The following SPIN1 variants were observed in gnomAD, a reference collection of about 807,000 sequenced individuals.
SPIN1 encodes spindlin-1.
Under a neutral mutation model 26.0 loss-of-function variants are expected in SPIN1, and 3 were observed. The observed-to-expected ratio is 0.12, with a 90% CI of 0.05 to 0.30. SPIN1 has a LOEUF of 0.30. Ranked by LOEUF, SPIN1 falls within the 10% of genes least tolerant of loss-of-function variation. The pLI is 1.00. For missense variants in SPIN1, 126 were observed against 333.4 expected (o/e 0.38, Z 4.84); for synonymous variants, 101 against 116.5 (o/e 0.87, Z 0.86).
chr9:88,457,661 G>T lies in SPIN1; in HGVS notation c.102-4835G>T, dbSNP rs149670689. 913 of 187,728 alleles carry T rather than the reference G, an allele frequency of 4.9e-3. 8 individuals are homozygous for T. The highest frequency in any genetic ancestry group is 0.02 in the African/African-American group (858 of 42,108). 11.6% of individuals were successfully genotyped at this position (187,728 alleles called of 1,614,324 possible). On this transcript the variant is annotated intron_variant, in intron 3 of 5. Coordinates refer to ENST00000375859, the MANE Select transcript of SPIN1 (RefSeq NM_006717.3). ...AGTTTTTTTTTTCTCTCAAAGTACT[G>T]AGGGGAAAAAGACTTTGAACCTGAT...
chr9:88,410,667 C>T (rs756854326), intron 1 of SPIN1: 26 of 1,302,218 alleles, frequency 2.0e-5, no homozygotes, highest in Non-Finnish European at 2.5e-5. Flanking sequence ...TTCCTTCCTT[C>T]GTGGGTCCAA....
At chr9:88,474,308 T>G (rs1049711591) in intron 5 of SPIN1, among the ~76,000 whole-genome samples, 1 of 152,170 alleles carries the variant, frequency 6.6e-6, no homozygotes, top group Admixed American at 6.5e-5. Flanking sequence ...TTACTTTGTT[T>G]TTTTGTTGTT....
At chr9:88,471,726 A>G (rs184473963) in intron 5 of SPIN1, among the ~76,000 whole-genome samples, 110 of 151,184 alleles carry the variant, frequency 7.3e-4, no homozygotes, top group African/African-American at 2.1e-3. Context: ...TGGACTCTCA[A>G]TTCTGTTGCA....
chr9:88,433,946 T>C (rs961836302), intron 2 of SPIN1, among the ~76,000 whole-genome samples: 7 of 152,018 alleles, frequency 4.6e-5, no homozygotes, highest in African/African-American at 1.4e-4. Flanking sequence ...ACTTTGAACA[T>C]TGAACTGACA....
chr9:88,409,225 C>T (rs1564024794), intron 1 of SPIN1, among the ~76,000 whole-genome samples: 1 of 143,242 alleles, frequency 7.0e-6, no homozygotes, highest in African/African-American at 2.6e-5. Flanking sequence ...GAACTCCTGA[C>T]CTCAGGTGAT....
chr9:88,414,448 G>A (rs548614847), intron 1 of SPIN1, among the ~76,000 whole-genome samples: 1 of 152,298 alleles, frequency 6.6e-6, no homozygotes, highest in African/African-American at 2.4e-5. Flanking sequence ...GGCACCAACT[G>A]GAGCTGGGAC....
chr9:88,427,304 C>T (rs1281744900), intron 2 of SPIN1, among the ~76,000 whole-genome samples: 1 of 151,984 alleles, frequency 6.6e-6, no homozygotes, highest in Non-Finnish European at 1.5e-5. Flanking sequence ...AGAACAATTT[C>T]TTCTATTTAT....
intron 2 of SPIN1, among the ~76,000 whole-genome samples, chr9:88,440,945 C>T (rs1452264732): frequency 6.6e-6 from 1 of 151,466 alleles, no homozygotes; most frequent in Non-Finnish European, 1.5e-5. Flanking sequence ...CAAAAAACGC[C>T]CCCTCCCCAA....
chr9:88,434,302 T>C (rs892853345), intron 2 of SPIN1, among the ~76,000 whole-genome samples: 1 of 151,590 alleles, frequency 6.6e-6, no homozygotes, highest in African/African-American at 2.4e-5. Flanking sequence ...ATAGAATAGT[T>C]TATTTTATAA....
intron 1 of SPIN1, among the ~76,000 whole-genome samples, chr9:88,392,982 T>C (rs1200415840): frequency 6.6e-6 from 1 of 152,094 alleles, no homozygotes; most frequent in African/African-American, 2.4e-5. Context: ...TGGACCTGTG[T>C]TTTAGAACAG....
At chr9:88,457,203 A>C (rs1056942959) in intron 3 of SPIN1, among the ~76,000 whole-genome samples, 8 of 152,294 alleles carry the variant, frequency 5.3e-5, no homozygotes, top group South Asian at 2.1e-4. Context: ...AGGGATAATT[A>C]AAAACACATG....
rs60571153 is a variant in SPIN1, at chr9:88,441,398, C to CGTGTGTGTGTGTGT, written c.53-7539_53-7526dup. The stretch of plus-strand genomic sequence containing the variant: ...TGGTTGTATCATCATTGCTGCCATT[C>CGTGTGTGTGTGTGT]GTGTGTGTGTGTGTGTGCGCGCGCG... On this transcript the variant is annotated intron_variant, in intron 2 of 5. Transcript: ENST00000375859. 8.8e-4 allele frequency among the ~76,000 whole-genome samples: 121 copies of CGTGTGTGTGTGTGT among 137,788 alleles called. 3 individuals are homozygous for CGTGTGTGTGTGTGT. The South Asian group carries it at 0.027, about 31-fold the overall frequency. 90.4% of individuals were successfully genotyped at this position (137,788 alleles called of 152,430 possible). A position where few individuals can be genotyped will look rare whatever the true frequency, so the allele number is the denominator to read the frequency against.
intron 1 of SPIN1, among the ~76,000 whole-genome samples, chr9:88,422,631 T>A (rs1014088578): frequency 6.6e-6 from 1 of 152,130 alleles, no homozygotes; most frequent in Non-Finnish European, 1.5e-5. Context: ...ATTTATTACT[T>A]GCAACTCAAA....
In SPIN1 at chr9:88,412,096, G is replaced by A. The variant is rs566691552; in HGVS notation, c.-158-14286G>A. On this transcript the variant is annotated intron_variant, in intron 1 of 5. Coordinates refer to ENST00000375859, the MANE Select transcript of SPIN1 (RefSeq NM_006717.3). ...CGGGAGGCTGAGGCAGGAGAATGGC[G>A]TGAACCCAGGAGGCGGAGCTTGCAG... Among the ~76,000 whole-genome samples, 1,182 of 151,890 alleles carry A rather than the reference G, an allele frequency of 7.8e-3. 15 individuals are homozygous for A. Among genetic ancestry groups the A allele is most frequent in the African/African-American group, 0.026 (1,089 of 41,452 alleles).
intron 3 of SPIN1, among the ~76,000 whole-genome samples, chr9:88,458,241 G>A (rs1318942071): frequency 6.6e-6 from 1 of 152,282 alleles, no homozygotes; most frequent in East Asian, 1.9e-4. Context: ...GAAAACAGAA[G>A]ACAGGTAGAC....
chr9:88,409,918 T>G (rs1433778451), intron 1 of SPIN1, among the ~76,000 whole-genome samples: 1 of 152,054 alleles, frequency 6.6e-6, no homozygotes, highest in Non-Finnish European at 1.5e-5. Flanking sequence ...GTTCAGCAAT[T>G]CAGGATTCCA....
chr9:88,393,445 G>GTTTTTTTTTT lies in SPIN1; in HGVS notation c.-159+4926_-159+4935dup, dbSNP rs57244433. Among the ~76,000 whole-genome samples, 28 of 88,436 alleles carry GTTTTTTTTTT rather than the reference G, an allele frequency of 3.2e-4. 3 individuals carry two copies. Among genetic ancestry groups the GTTTTTTTTTT allele is most frequent in the African/African-American group, 8.9e-4 (16 of 17,918 alleles). The allele number at this position is 88,436 out of a possible 152,430, so 58.0% of individuals were successfully genotyped here. On this transcript the variant is annotated intron_variant, in intron 1 of 5. Transcript: ENST00000375859. ...AGAATGTCCTTTTTCTTGCTTTTGG[G>GTTTTTTTTTT]TTTTTTTTTTTTTTTTTTTTTTTTT...
intron 1 of SPIN1, among the ~76,000 whole-genome samples, chr9:88,405,226 A>G (rs534449414): frequency 1.9e-4 from 29 of 152,156 alleles, no homozygotes; most frequent in Non-Finnish European, 3.5e-4. Flanking sequence ...ATTGTACTAT[A>G]CTTTTTTTTG....
rs76070090 is a variant in SPIN1, at chr9:88,470,134, T to C, written c.589+1529T>C. On this transcript the variant is annotated intron_variant, in intron 5 of 5. Coordinates refer to ENST00000375859, the MANE Select transcript of SPIN1 (RefSeq NM_006717.3). ...TTGAGATTTCATTCACGCTGTAGCA[T>C]ATATCAGTACTTCATTCCTTTTAAT... Among the ~76,000 whole-genome samples the C allele has an allele frequency of 2.3e-3, 343 of 152,346 alleles. 1 individual carries two copies. Among genetic ancestry groups the C allele is most frequent in the African/African-American group, 7.1e-3 (295 of 41,574 alleles).
Sources: gnomAD v4.1 joint callset for allele counts (sites outside exome capture counted in the v4.1 genomes callset) on GRCh38, gnomAD v4.1.1 for gene constraint, MANE v1.5 for transcripts, NCBI Gene and HGNC (gene_info 2026-07-23, HGNC 2026-07-21) for gene names.